The following ZBTB16 variants were observed in gnomAD, a reference collection of about 807,000 sequenced individuals.
ZBTB16 encodes the protein zinc finger and BTB domain-containing protein 16.
A neutral mutation model predicts 56.8 loss-of-function variants in ZBTB16; 8 were observed. The observed-to-expected ratio is 0.14, with a 90% CI of 0.08 to 0.25. The LOEUF (loss-of-function observed/expected upper bound fraction) is 0.25, where lower values mean the gene tolerates loss of function less well. Among genes scored for constraint, ZBTB16 ranks in the 10% least tolerant of loss-of-function variants. The probability of loss-of-function intolerance (pLI) is 1.00; values close to 1 mark genes in which losing one functional copy is unlikely to be tolerated. For synonymous variants in ZBTB16, 363 were observed against 368.5 expected (o/e 0.98, Z 0.17); for missense variants, 625 against 903.0 (o/e 0.69, Z 3.95).
At chr11:114,247,103 C>T (rs537863892) in intron 5 of ZBTB16, 95 bp from the exon 6 acceptor site, 75 of 1,556,332 alleles carry the variant, frequency 4.8e-5, no homozygotes, top group East Asian at 9.0e-5. Context: ...GAATACAGGC[C>T]GTCGCATCCT....
At chr11:114,199,865 A>G (rs1419189023) in intron 4 of ZBTB16, among the ~76,000 whole-genome samples, 2 of 152,210 alleles carry the variant, frequency 1.3e-5, no homozygotes, top group East Asian at 3.9e-4. Context: ...ACGGTGGCTC[A>G]CACCTGTAAT....
At chr11:114,070,104 T>C (rs2137669763) in intron 2 of ZBTB16, among the ~76,000 whole-genome samples, 1 of 138,310 alleles carries the variant, frequency 7.2e-6, no homozygotes, top group South Asian at 2.5e-4. Flanking sequence ...CTTTTTTTTT[T>C]TTTTTTTTTT....
intron 2 of ZBTB16, among the ~76,000 whole-genome samples, chr11:114,115,446 C>T (rs181700276): frequency 2.0e-5 from 3 of 150,978 alleles, no homozygotes; most frequent in Non-Finnish European, 2.9e-5. Flanking sequence ...CTTAGCACAT[C>T]GGCAGGTGTT....
intron 2 of ZBTB16, among the ~76,000 whole-genome samples, chr11:114,065,236 A>C (rs1373563169): frequency 6.6e-6 from 1 of 152,210 alleles, no homozygotes; most frequent in East Asian, 1.9e-4. Flanking sequence ...TCTCATTCTT[A>C]TCCCATCTCT....
intron 2 of ZBTB16, among the ~76,000 whole-genome samples, chr11:114,069,216 G>C (rs1222845325): frequency 6.6e-6 from 1 of 152,192 alleles, no homozygotes; most frequent in Non-Finnish European, 1.5e-5. Context: ...CTCCCAAGTA[G>C]TTGGGACTAC....
intron 3 of ZBTB16, among the ~76,000 whole-genome samples, chr11:114,171,887 T>G (rs899596175): frequency 2.0e-5 from 3 of 152,242 alleles, no homozygotes; most frequent in Admixed American, 6.5e-5. Flanking sequence ...ATTGTAAAAT[T>G]AGCTAGGAAA....
intron 4 of ZBTB16, among the ~76,000 whole-genome samples, chr11:114,218,291 C>G (rs981772009): frequency 6.6e-6 from 1 of 152,182 alleles, no homozygotes; most frequent in Non-Finnish European, 1.5e-5. Flanking sequence ...TGAGGTTCAT[C>G]ATGCTTGGTT....
At chr11:114,235,690 CTT>C (rs10601847) in intron 4 of ZBTB16, among the ~76,000 whole-genome samples, 1 of 68,260 alleles carries the variant, frequency 1.5e-5, no homozygotes, top group Non-Finnish European at 2.8e-5. Flanking sequence ...TTCTTTCTTT[CTT>C]TTCTTTCTTT....
At chr11:114,065,778 T>C (rs1267389344) in intron 2 of ZBTB16, among the ~76,000 whole-genome samples, 1 of 152,134 alleles carries the variant, frequency 6.6e-6, no homozygotes, top group East Asian at 1.9e-4. Flanking sequence ...TTTTCTAGGG[T>C]CACATAGATA....
rs79122045 is a variant in ZBTB16 at position 114,200,521 on chromosome 11, C to A, written c.1453+13483C>A. ...CCACTAAGGGGGGCTTCACTGTCTG[C>A]ATCACTGATGAGGAATCACAGGCCC... is the stretch of plus-strand genomic sequence containing the variant. On this transcript the variant is annotated intron_variant, in intron 4 of 6. Transcript: ENST00000335953. 4.6e-3 allele frequency among the ~76,000 whole-genome samples: 700 copies of A among 152,274 alleles called. 2 individuals carry two copies. The highest frequency in any genetic ancestry group is 0.016 in the African/African-American group (657 of 41,544).
At chr11:114,093,893 T>C (rs1430970336) in intron 2 of ZBTB16, among the ~76,000 whole-genome samples, 1 of 152,252 alleles carries the variant, frequency 6.6e-6, no homozygotes, top group Non-Finnish European at 1.5e-5. Flanking sequence ...TTGGGTGGAA[T>C]GAAACTGAAT....
intron 4 of ZBTB16, among the ~76,000 whole-genome samples, chr11:114,211,398 C>T (rs1943995922): frequency 1.3e-5 from 2 of 152,192 alleles, no homozygotes; most frequent in African/African-American, 2.4e-5. Flanking sequence ...GAGCCCCCCA[C>T]CTACCTTCCT....
rs190638269 is a variant in ZBTB16 at position 114,107,650 on chromosome 11, G to A, written c.1268+43082G>A. Among the ~76,000 whole-genome samples, 621 of 152,260 alleles carry A rather than the reference G, an allele frequency of 4.1e-3. 10 individuals are homozygous for A. The highest frequency in any genetic ancestry group is 0.038 in the Admixed American group (589 of 15,300). On this transcript the variant is annotated intron_variant, in intron 2 of 6. Coordinates refer to ENST00000335953, the MANE Select transcript of ZBTB16 (RefSeq NM_006006.6). ...TATTTTCTTTTCCCAGGGTGGGTGC[G>A]CAACATTGACTTTTTCTCAATGTGT...
intron 4 of ZBTB16, among the ~76,000 whole-genome samples, chr11:114,198,213 T>C (rs1030217983): frequency 3.3e-5 from 5 of 152,236 alleles, no homozygotes; most frequent in Non-Finnish European, 7.3e-5. Flanking sequence ...TTTCACATTC[T>C]GTGCCAAGGA....
At chr11:114,125,098 G>T (rs1444829547) in intron 2 of ZBTB16, among the ~76,000 whole-genome samples, 1 of 151,420 alleles carries the variant, frequency 6.6e-6, no homozygotes, top group Non-Finnish European at 1.5e-5. Flanking sequence ...AGTTCTATTG[G>T]AGTTAAAAAA....
intron 2 of ZBTB16, among the ~76,000 whole-genome samples, chr11:114,107,742 A>G (rs1940849884): frequency 6.6e-6 from 1 of 152,218 alleles, no homozygotes; most frequent in South Asian, 2.1e-4. Context: ...ATATGTTGGT[A>G]AAAATGACCT....
intron 2 of ZBTB16, among the ~76,000 whole-genome samples, chr11:114,115,365 A>T (rs1941139988): frequency 2.3e-5 from 3 of 132,868 alleles, no homozygotes; most frequent in Non-Finnish European, 4.7e-5. Context: ...TTTTTTTTAA[A>T]CTCCCTTTCC....
Position 114,064,201 on chromosome 11 carries a change from G to A in ZBTB16, c.901G>A (p.Glu301Lys), listed in dbSNP as rs1375735901. The A allele has an allele frequency of 6.2e-7, 1 of 1,613,972 alleles. No homozygotes were observed. The highest frequency in any genetic ancestry group is 8.5e-7 in the Non-Finnish European group (1 of 1,180,014). Reference protein sequence around the residue: ...SARELHYGREESAEQVPPPAE... With the variant: ...SARELHYGREKSAEQVPPPAE... ...TAGGGAGCTACACTATGGGCGAGAG[G>A]AGAGTGCCGAGCAGGTGCCACCCCC... is the stretch of plus-strand genomic sequence containing the variant. The change falls in exon 2 of 7, where the codon GAG becomes AAG. Residue 301 changes from glutamate to lysine, a missense_variant. Glu to Lys is a moderately conservative substitution (Grantham distance 56). Around this residue, in one of 6 missense-constraint regions of ZBTB16, gnomAD observed 384 missense variants for 393.5 expected, o/e 0.98. Coordinates refer to ENST00000335953, the MANE Select transcript of ZBTB16 (RefSeq NM_006006.6). The surrounding 1 kb of genome is among the most constrained non-coding windows in gnomAD (Gnocchi z 4.2).
At chr11:114,200,211 G>A (rs1428060506) in intron 4 of ZBTB16, among the ~76,000 whole-genome samples, 1 of 152,028 alleles carries the variant, frequency 6.6e-6, no homozygotes, top group Non-Finnish European at 1.5e-5. Flanking sequence ...GTATGCATAA[G>A]TGGTAGCTGC....
Sources: allele counts gnomAD v4.1 joint callset (sites outside exome capture counted in the v4.1 genomes callset), GRCh38; gene constraint gnomAD v4.1.1; regional missense constraint gnomAD v4.1.1; non-coding constraint Gnocchi (gnomAD v3.1); transcripts MANE v1.5; gene names NCBI Gene and HGNC (gene_info 2026-07-23, HGNC 2026-07-21).